PITPNB: variants seen among roughly 807,000 people sequenced by gnomAD.
The protein encoded by PITPNB is phosphatidylinositol transfer protein beta isoform.
Under a neutral mutation model 45.9 loss-of-function variants are expected in PITPNB, and 16 were observed. The observed-to-expected ratio is 0.35, with a 90% CI of 0.24 to 0.53. The LOEUF (loss-of-function observed/expected upper bound fraction) is 0.53. PITPNB is among the 20% of genes least tolerant of loss of function. PITPNB has a pLI of 0.93. For missense variants in PITPNB, 188 were observed against 330.5 expected, an observed-to-expected ratio of 0.57 and a Z score of 3.34; for synonymous variants, 112 against 108.9, an observed-to-expected ratio of 1.03 and a Z score of -0.18.
At position 27,914,030 on chromosome 22, in the gene PITPNB, G is replaced by A. The variant is rs527417425; in HGVS notation, c.51+287C>T. ...TTAACCTTAAAGTACTTAAGTTGAG[G>A]CTGGAGCCTCATTTCTCTGGGATGT... On this transcript the variant is annotated intron_variant, in intron 2 of 11. Transcript: ENST00000335272. Among the ~76,000 whole-genome samples the A allele has an allele frequency of 9.8e-5, 15 of 152,316 alleles. No individual in the cohort carries two copies. The South Asian group carries it at 3.1e-3, about 32-fold the overall frequency.
At chr22:27,903,968 G>T (rs1935686359) in intron 3 of PITPNB, among the ~76,000 whole-genome samples, 2 of 151,954 alleles carry the variant, frequency 1.3e-5, no homozygotes. Context: ...TAGAATGCTT[G>T]TAATAAAAAA....
At chr22:27,859,055 C>A (rs796632221) in intron 9 of PITPNB, among the ~76,000 whole-genome samples, 1 of 152,090 alleles carries the variant, frequency 6.6e-6, no homozygotes, top group Non-Finnish European at 1.5e-5. Flanking sequence ...ATATAATTAG[C>A]GGTTTCAATT....
chr22:27,866,728 TTCTG>T (rs1201391653), intron 8 of PITPNB, among the ~76,000 whole-genome samples: 1 of 152,134 alleles, frequency 6.6e-6, no homozygotes, highest in East Asian at 1.9e-4. Context: ...ACACAGCAGT[TTCTG>T]TAAGGCTCAT....
At chr22:27,905,282 G>A (rs1340662839) in intron 3 of PITPNB, among the ~76,000 whole-genome samples, 1 of 152,072 alleles carries the variant, frequency 6.6e-6, no homozygotes, top group Non-Finnish European at 1.5e-5. Flanking sequence ...CAAGTAGCTG[G>A]GATTACAGGT....
intron 8 of PITPNB, among the ~76,000 whole-genome samples, chr22:27,862,368 G>A (rs1934364300): frequency 6.6e-6 from 1 of 151,930 alleles, no homozygotes; most frequent in African/African-American, 2.4e-5. Flanking sequence ...TTATTATCTT[G>A]GTATTATTAA....
chr22:27,864,792 G>T (rs1934435581), intron 8 of PITPNB, among the ~76,000 whole-genome samples: 1 of 152,096 alleles, frequency 6.6e-6, no homozygotes, highest in Non-Finnish European at 1.5e-5. Context: ...ACAAAAATTA[G>T]CTGGTCATGG....
chr22:27,910,917 T>C, intron 3 of PITPNB, 47 bp downstream of exon 3: 6 of 1,492,730 alleles, frequency 4.0e-6, no homozygotes, highest in Non-Finnish European at 5.6e-6. Context: ...ACATGCATCA[T>C]AAGTAAGCCA....
chr22:27,902,893 A>T (rs943131354), intron 3 of PITPNB, among the ~76,000 whole-genome samples: 1 of 151,960 alleles, frequency 6.6e-6, no homozygotes, highest in Admixed American at 6.6e-5. Context: ...CTAATTTTTA[A>T]ATTTTTTTGT....
rs775146611 is a variant in PITPNB, at chr22:27,919,219, C to T, written c.-28G>A. ...TCCCGGAACCCCCTCACAGCTGCCG[C>T]CGATACCACCGCCGCCGCCGCCGCT... On this transcript the variant is annotated 5_prime_UTR_variant, in exon 1 of 12. Coordinates refer to ENST00000335272, the MANE Select transcript of PITPNB (RefSeq NM_012399.5). 5 of 1,593,872 alleles carry T rather than the reference C, an allele frequency of 3.1e-6. No individual in the cohort carries two copies. The highest frequency in any genetic ancestry group is 2.2e-5 in the East Asian group (1 of 44,780).
chr22:27,891,902 A>G (rs543332507), intron 7 of PITPNB, among the ~76,000 whole-genome samples: 1 of 152,326 alleles, frequency 6.6e-6, no homozygotes, highest in East Asian at 1.9e-4. Flanking sequence ...CATTTTACAC[A>G]AGATAATACA....
Position 27,860,244 on chromosome 22 carries a change from A to G in PITPNB, c.535-3T>C. 2 of 1,566,804 alleles carry G rather than the reference A, an allele frequency of 1.3e-6. No individual in the cohort carries two copies. Among genetic ancestry groups the G allele is most frequent in the East Asian group, 2.2e-5 (1 of 44,598 alleles). ...TCAGGGCTGTTTGCCAGCTCCTTCT[A>G]GATGAGAAAAATTGAAAAGGAGAAA... is the stretch of plus-strand genomic sequence containing the variant. On this transcript the variant is annotated splice_region_variant and splice_polypyrimidine_tract_variant and intron_variant, in intron 8 of 11. Transcript: ENST00000335272.
intron 7 of PITPNB, among the ~76,000 whole-genome samples, chr22:27,885,656 T>C (rs189191515): frequency 3.7e-4 from 56 of 152,290 alleles, no homozygotes; most frequent in African/African-American, 1.3e-3. Context: ...ATTGCAGGCA[T>C]GAGCCACTGT....
At chr22:27,864,941 A>T (rs1417428368) in intron 8 of PITPNB, among the ~76,000 whole-genome samples, 1 of 151,828 alleles carries the variant, frequency 6.6e-6, no homozygotes, top group Non-Finnish European at 1.5e-5. Flanking sequence ...TCAAAAAAAA[A>T]CTCTCAAAAA....
At chr22:27,909,207 C>CTTTTTTT (rs34224616) in intron 3 of PITPNB, among the ~76,000 whole-genome samples, 4 of 82,240 alleles carry the variant, frequency 4.9e-5, no homozygotes, top group Non-Finnish European at 6.7e-5. Context: ...ACTGGTAGTA[C>CTTTTTTT]TTTTTTTTTT....
intron 3 of PITPNB, among the ~76,000 whole-genome samples, chr22:27,901,155 T>C (rs1383642989): frequency 6.6e-6 from 1 of 152,076 alleles, no homozygotes; most frequent in Admixed American, 6.6e-5. Flanking sequence ...GAGTTAAGAG[T>C]TACCCATAGC....
At chr22:27,889,800 T>C (rs1190718179) in intron 7 of PITPNB, among the ~76,000 whole-genome samples, 1 of 152,254 alleles carries the variant, frequency 6.6e-6, no homozygotes, top group Non-Finnish European at 1.5e-5. Context: ...TTCAGTACTA[T>C]TGACTGCTAT....
chr22:27,857,628 C>T (rs1417833448), intron 10 of PITPNB, among the ~76,000 whole-genome samples: 3 of 152,204 alleles, frequency 2.0e-5, no homozygotes, highest in East Asian at 1.9e-4. Context: ...CACTAGCAGG[C>T]CCTGGACATT....
At chr22:27,889,281 T>C (rs1935207250) in intron 7 of PITPNB, among the ~76,000 whole-genome samples, 1 of 152,144 alleles carries the variant, frequency 6.6e-6, no homozygotes, top group African/African-American at 2.4e-5. Flanking sequence ...TCCAATTCAA[T>C]GTCAGATGGT....
chr22:27,869,712 T>C (rs9625347), intron 8 of PITPNB, among the ~76,000 whole-genome samples: 6 of 152,140 alleles, frequency 3.9e-5, no homozygotes, highest in African/African-American at 1.4e-4. Flanking sequence ...ACAAAAGCAT[T>C]ATAACAATAA....
Sources: allele counts gnomAD v4.1 joint callset (sites outside exome capture counted in the v4.1 genomes callset), GRCh38; gene constraint gnomAD v4.1.1; transcripts MANE v1.5; gene names NCBI Gene and HGNC (gene_info 2026-07-23, HGNC 2026-07-21).